The following SKI variants were observed in gnomAD, a reference collection of about 807,000 sequenced individuals.
SKI encodes the protein ski oncogene.
Under a neutral mutation model 59.3 loss-of-function variants are expected in SKI, and 23 were observed. The ratio of observed to expected loss-of-function variants is 0.39; its 90% CI spans 0.28 to 0.55. The LOEUF is 0.55. Ranked by LOEUF, SKI falls within the 20% of genes least tolerant of loss-of-function variation. The pLI is 0.67. For synonymous variants in SKI, 673 were observed against 488.6 expected, an observed-to-expected ratio of 1.38 and a Z score of -4.98; for missense variants, 1,017 against 1,038.9, an observed-to-expected ratio of 0.98 and a Z score of 0.29.
intron 1 of SKI, among the ~76,000 whole-genome samples, chr1:2,266,506 C>G (rs1183611647): frequency 6.6e-6 from 1 of 152,202 alleles, no homozygotes; most frequent in African/African-American, 2.4e-5. Context: ...AGGCAGTGAG[C>G]TGGGGCTGCC....
Position 2,229,359 on chromosome 1 carries a change from C to A in SKI, c.593C>A (p.Pro198His). The A allele has an allele frequency of 6.3e-7, 1 of 1,598,512 alleles. No individual in the cohort carries two copies. The highest frequency in any genetic ancestry group is 8.5e-7 in the Non-Finnish European group (1 of 1,172,866). The change falls in exon 1 of 7, where the codon CCC (proline) becomes CAC (histidine). Residue 198 changes from proline to histidine, a missense_variant. Physicochemically the swap from Pro to His is moderately conservative, Grantham distance 77. Transcript: ENST00000378536. This position sits in a 1 kb window ranked among gnomAD's most constrained non-coding sequence, Gnocchi z 6.3. ...ALLYGGAYPP[P>H]CKKELAASLA... ...CTCTACGGCGGCGCCTACCCGCCGC[C>A]CTGCAAGAAGGAGCTGGCCGCCAGC... is the stretch of plus-strand genomic sequence containing the variant.
chr1:2,271,721 G>C (rs937286036), intron 1 of SKI, among the ~76,000 whole-genome samples: 1 of 151,622 alleles, frequency 6.6e-6, no homozygotes, highest in African/African-American at 2.4e-5. Flanking sequence ...GGTCCCCTGG[G>C]GGGGGGTAGG....
At chr1:2,261,525 A>G (rs1469433660) in intron 1 of SKI, among the ~76,000 whole-genome samples, 1 of 152,210 alleles carries the variant, frequency 6.6e-6, no homozygotes. Flanking sequence ...GGTCTTGTAA[A>G]TAATATATTT....
At chr1:2,276,455 C>A (rs1203871980) in intron 1 of SKI, among the ~76,000 whole-genome samples, 1 of 152,240 alleles carries the variant, frequency 6.6e-6, no homozygotes, top group African/African-American at 2.4e-5. Flanking sequence ...GGGCCACCTG[C>A]TTCTGTGGCC....
intron 1 of SKI, among the ~76,000 whole-genome samples, chr1:2,233,989 T>C (rs575438895): frequency 6.6e-6 from 1 of 152,148 alleles, no homozygotes; most frequent in South Asian, 2.1e-4. Flanking sequence ...TTGGAAAAAG[T>C]GTTTGCTGCA....
intron 1 of SKI, among the ~76,000 whole-genome samples, chr1:2,262,423 G>A (rs1314096444): frequency 1.3e-5 from 2 of 150,878 alleles, no homozygotes; most frequent in African/African-American, 4.9e-5. Context: ...CGTGGAGTCA[G>A]AGTTTGGGTG....
At chr1:2,299,549 C>G (rs1256388057) in intron 1 of SKI, among the ~76,000 whole-genome samples, 1 of 152,174 alleles carries the variant, frequency 6.6e-6, no homozygotes, top group Non-Finnish European at 1.5e-5. Flanking sequence ...GGACTCCAGC[C>G]TCCCTGCCAG....
At position 2,306,186 on chromosome 1, in the gene SKI, G is replaced by A; in HGVS notation, c.1934G>A (p.Arg645Gln). The change falls in exon 6 of 7, where the codon CGG (arginine) becomes CAG (glutamine). Residue 645 changes from arginine to glutamine, a missense_variant. Physicochemically the swap from Arg to Gln is conservative, Grantham distance 43. Coordinates refer to ENST00000378536, the MANE Select transcript of SKI (RefSeq NM_003036.4). ...LRLKRELEQARQARVCDKGCE... is the reference protein window; with the variant it reads ...LRLKRELEQAQQARVCDKGCE... ...CTGAAGCGGGAGCTGGAGCAGGCGC[G>A]GCAGGCCCGGGTGTGCGACAAGGGC... 5 of 1,584,572 alleles carry A rather than the reference G, an allele frequency of 3.2e-6. No homozygotes were observed. Among genetic ancestry groups the A allele is most frequent in the Middle Eastern group, 1.7e-4 (1 of 6,016 alleles).
chr1:2,246,397 G>A (rs34700956), intron 1 of SKI, among the ~76,000 whole-genome samples: 1 of 152,084 alleles, frequency 6.6e-6, no homozygotes, highest in Admixed American at 6.6e-5. Flanking sequence ...TCAGTTGTAC[G>A]TCTTTATCTA....
At chr1:2,245,719 G>T (rs1419591956) in intron 1 of SKI, among the ~76,000 whole-genome samples, 1 of 149,888 alleles carries the variant, frequency 6.7e-6, no homozygotes, top group African/African-American at 2.5e-5. Flanking sequence ...TATGTGACCT[G>T]CCCGCCTTGG....
At chr1:2,244,234 G>A (rs1259632147) in intron 1 of SKI, among the ~76,000 whole-genome samples, 2 of 151,876 alleles carry the variant, frequency 1.3e-5, no homozygotes, top group African/African-American at 4.8e-5. Context: ...AAAGTGCTGG[G>A]ATTACAGGCG....
intron 1 of SKI, among the ~76,000 whole-genome samples, chr1:2,290,623 TG>T (rs1478637789): frequency 1.3e-5 from 2 of 152,142 alleles, no homozygotes; most frequent in Admixed American, 1.3e-4. Flanking sequence ...GGGCCAGCGC[TG>T]GGGGCAAGCG....
At chr1:2,233,964 G>A (rs1638698531) in intron 1 of SKI, among the ~76,000 whole-genome samples, 1 of 152,158 alleles carries the variant, frequency 6.6e-6, no homozygotes, top group African/African-American at 2.4e-5. Flanking sequence ...CTGTCCCTTT[G>A]TCCACCAGCT....
chr1:2,280,643 G>T (rs1301192852), intron 1 of SKI, among the ~76,000 whole-genome samples: 97 of 136,646 alleles, frequency 7.1e-4, no homozygotes, highest in Non-Finnish European at 1.0e-3. Flanking sequence ...GCGATCTTCA[G>T]AGAGAGGACA....
intron 1 of SKI, among the ~76,000 whole-genome samples, chr1:2,250,665 G>A (rs1639125254): frequency 6.6e-6 from 1 of 152,236 alleles, no homozygotes; most frequent in Non-Finnish European, 1.5e-5. Flanking sequence ...ATTTCTAAAA[G>A]TAAGGGGATG....
chr1:2,229,676 C>A lies in SKI; in HGVS notation c.910C>A (p.Leu304Met). The A allele has an allele frequency of 6.2e-7, 1 of 1,607,120 alleles. No homozygotes were observed. The highest frequency in any genetic ancestry group is 8.5e-7 in the Non-Finnish European group (1 of 1,177,508). Residue 304 changes from leucine to methionine, a missense_variant, in exon 1 of 7, where the codon CTG becomes ATG. Physicochemically the swap from Leu to Met is conservative, Grantham distance 15. Coordinates refer to ENST00000378536, the MANE Select transcript of SKI (RefSeq NM_003036.4). The surrounding 1 kb of genome is among the most constrained non-coding windows in gnomAD (Gnocchi z 6.3). ...KEEQARLGRC[L>M]DDVKEKFDYG... Reference sequence around the variant, plus strand: ...GGAGCAGGCGCGCCTCGGCCGCTGCCTGGACGACGTGAAGGAGAAATTCGA... The same window carrying A: ...GGAGCAGGCGCGCCTCGGCCGCTGCATGGACGACGTGAAGGAGAAATTCGA...
intron 1 of SKI, among the ~76,000 whole-genome samples, chr1:2,301,285 G>A (rs1224566308): frequency 1.3e-5 from 2 of 152,098 alleles, no homozygotes; most frequent in Non-Finnish European, 2.9e-5. Context: ...ACTTCCCCTC[G>A]AAAGCCGCCA....
intron 1 of SKI, among the ~76,000 whole-genome samples, chr1:2,252,262 G>C (rs369489046): frequency 6.6e-6 from 1 of 152,330 alleles, no homozygotes; most frequent in South Asian, 2.1e-4. Context: ...CGTGAAAGGT[G>C]AGAAAGCTGA....
rs142875919 is a variant in SKI at position 2,292,362 on chromosome 1, C to G, written c.970-10616C>G. Among the ~76,000 whole-genome samples the G allele has an allele frequency of 7.2e-3, 1,090 of 152,232 alleles. 15 individuals are homozygous for G. The highest frequency in any genetic ancestry group is 0.024 in the African/African-American group (991 of 41,542). On this transcript the variant is annotated intron_variant, in intron 1 of 6. Transcript: ENST00000378536. ...GAGCTGTGCTGCATGGTAGGGTGAC[C>G]GCAGTGGGCTGCCCTGGGTGCCCCA...
Sources: allele counts gnomAD v4.1 joint callset (sites outside exome capture counted in the v4.1 genomes callset), GRCh38; gene constraint gnomAD v4.1.1; non-coding constraint Gnocchi (gnomAD v3.1); transcripts MANE v1.5; gene names NCBI Gene and HGNC (gene_info 2026-07-23, HGNC 2026-07-21).